The following SHROOM3 variants were observed in gnomAD, a reference collection of about 807,000 sequenced individuals.
SHROOM3 encodes the protein shroom family member 3, also known as protein Shroom3.
In SHROOM3, 47 loss-of-function variants were observed where a neutral mutation model predicts 138.6. That is an observed-to-expected ratio of 0.34 (90% CI 0.27 to 0.43). The LOEUF (loss-of-function observed/expected upper bound fraction) is 0.43, where lower values mean the gene tolerates loss of function less well. Ranked by LOEUF, SHROOM3 falls within the 20% of genes least tolerant of loss-of-function variation. The pLI is 1.00. For missense variants in SHROOM3, 2,491 were observed against 2,596.5 expected (o/e 0.96, Z 0.88); for synonymous variants, 1,062 against 1,063.3 (o/e 1.00, Z 0.02).
At chr4:76,508,660 A>G (rs1427245775) in intron 1 of SHROOM3, among the ~76,000 whole-genome samples, 1 of 152,246 alleles carries the variant, frequency 6.6e-6, no homozygotes, top group African/African-American at 2.4e-5. Context: ...TCTTAACAAT[A>G]TAAAGCCTTC....
intron 2 of SHROOM3, among the ~76,000 whole-genome samples, chr4:76,560,726 C>T (rs754600279): frequency 2.0e-5 from 3 of 152,110 alleles, no homozygotes; most frequent in Admixed American, 6.6e-5. Flanking sequence ...TCAAATATTT[C>T]GTACTTTTTT....
intron 4 of SHROOM3, among the ~76,000 whole-genome samples, chr4:76,735,707 G>T (rs1305847974): frequency 6.6e-6 from 1 of 150,686 alleles, no homozygotes; most frequent in Non-Finnish European, 1.5e-5. Context: ...GGGCATGGTG[G>T]TACCTGCCTG....
intron 2 of SHROOM3, among the ~76,000 whole-genome samples, chr4:76,597,790 C>T (rs543726507): frequency 2.0e-5 from 3 of 152,264 alleles, no homozygotes; most frequent in East Asian, 1.9e-4. Context: ...AAGCAGATCC[C>T]GTGTTGTAAT....
intron 1 of SHROOM3, among the ~76,000 whole-genome samples, chr4:76,518,691 T>TA (rs977911941): frequency 6.6e-6 from 1 of 152,130 alleles, no homozygotes; most frequent in African/African-American, 2.4e-5. Flanking sequence ...TCTAAATGAG[T>TA]ACTGTAACAC....
At chr4:76,533,112 G>A (rs937994565) in intron 1 of SHROOM3, among the ~76,000 whole-genome samples, 1 of 152,124 alleles carries the variant, frequency 6.6e-6, no homozygotes, top group Admixed American at 6.6e-5. Context: ...TTTATTTCTG[G>A]AATTTTCCAT....
At chr4:76,491,531 T>G (rs2109993602) in intron 1 of SHROOM3, among the ~76,000 whole-genome samples, 1 of 152,316 alleles carries the variant, frequency 6.6e-6, no homozygotes, top group South Asian at 2.1e-4. Flanking sequence ...TTCTCTCTGA[T>G]AATAAAAAGT....
At chr4:76,572,971 G>A (rs541991814) in intron 2 of SHROOM3, among the ~76,000 whole-genome samples, 3 of 151,972 alleles carry the variant, frequency 2.0e-5, no homozygotes, top group African/African-American at 7.2e-5. Context: ...AGTCCCAGCT[G>A]CTTGGGAGGC....
In SHROOM3 at chr4:76,735,854, AAAAAAAAAAAAAAAATAT is replaced by A. The variant is rs1182647786; in HGVS notation, c.588-2905_588-2888del. ...GACTCTATCTTAAAAAAAAAAAAAA[AAAAAAAAAAAAAAAATAT>A]ATATATATATATATATATATATATA... On this transcript the variant is annotated intron_variant, in intron 4 of 10. Coordinates refer to ENST00000296043, the MANE Select transcript of SHROOM3 (RefSeq NM_020859.4). Among the ~76,000 whole-genome samples, 88 of 56,684 alleles carry A rather than the reference AAAAAAAAAAAAAAAATAT, an allele frequency of 1.6e-3. 1 individual carries two copies. The highest frequency in any genetic ancestry group is 5.4e-3 in the African/African-American group (81 of 15,076). The allele number at this position is 56,684 out of a possible 152,430, so 37.2% of individuals were successfully genotyped here. A position where few individuals can be genotyped will look rare whatever the true frequency, so the allele number is the denominator to read the frequency against.
At chr4:76,686,684 C>G (rs1299388681) in intron 2 of SHROOM3, among the ~76,000 whole-genome samples, 1 of 152,050 alleles carries the variant, frequency 6.6e-6, no homozygotes, top group Non-Finnish European at 1.5e-5. Context: ...ATCAGACCCT[C>G]TGAATATACT....
At chr4:76,443,515 C>G (rs1730740613) in intron 1 of SHROOM3, among the ~76,000 whole-genome samples, 1 of 152,218 alleles carries the variant, frequency 6.6e-6, no homozygotes, top group South Asian at 2.1e-4. Context: ...TGATGTAGTT[C>G]CAAACAGTGA....
At chr4:76,643,754 A>C (rs957238033) in intron 2 of SHROOM3, among the ~76,000 whole-genome samples, 1 of 152,266 alleles carries the variant, frequency 6.6e-6, no homozygotes, top group Non-Finnish European at 1.5e-5. Flanking sequence ...TTACAGAAAT[A>C]ACAGATATAC....
intron 1 of SHROOM3, among the ~76,000 whole-genome samples, chr4:76,490,658 C>T (rs1250882101): frequency 6.6e-6 from 1 of 152,218 alleles, no homozygotes; most frequent in African/African-American, 2.4e-5. Flanking sequence ...TGCCTCCAGA[C>T]CCTATTCTCC....
At chr4:76,452,955 T>C (rs1730954488) in intron 1 of SHROOM3, among the ~76,000 whole-genome samples, 2 of 152,172 alleles carry the variant, frequency 1.3e-5, no homozygotes, top group African/African-American at 2.4e-5. Flanking sequence ...TGACCTCAGG[T>C]GACCCACCTG....
At chr4:76,605,870 CTT>C (rs1734601495) in intron 2 of SHROOM3, among the ~76,000 whole-genome samples, 2 of 149,732 alleles carry the variant, frequency 1.3e-5, no homozygotes, top group Admixed American at 6.7e-5. Flanking sequence ...CAGAATCACT[CTT>C]TATCATTTCA....
intron 1 of SHROOM3, among the ~76,000 whole-genome samples, chr4:76,533,369 A>G (rs970953406): frequency 5.9e-5 from 9 of 152,368 alleles, no homozygotes; most frequent in African/African-American, 1.9e-4. Flanking sequence ...TTGAAAAGAC[A>G]TTTAAAAACC....
chr4:76,487,585 G>A (rs1012597594), intron 1 of SHROOM3, among the ~76,000 whole-genome samples: 2 of 152,012 alleles, frequency 1.3e-5, no homozygotes, highest in African/African-American at 2.4e-5. Context: ...TCTGGGTCCT[G>A]TATCAAACCT....
At chr4:76,734,089 A>G (rs1720960427) in intron 4 of SHROOM3, among the ~76,000 whole-genome samples, 4 of 152,156 alleles carry the variant, frequency 2.6e-5, no homozygotes, top group Admixed American at 2.6e-4. Context: ...CATTCATTCA[A>G]CAAATCTGTA....
intron 1 of SHROOM3, among the ~76,000 whole-genome samples, chr4:76,549,632 G>A (rs555403746): frequency 6.6e-6 from 1 of 152,274 alleles, no homozygotes; most frequent in African/African-American, 2.4e-5. Flanking sequence ...CTCCCAAAGT[G>A]CTGGGATTAT....
chr4:76,690,308 G>A lies in SHROOM3; in HGVS notation c.324-19848G>A, dbSNP rs147356791. ...GAGTGGTTACAAAATTTCAACACCT[G>A]GAGCACTCTCTGGGGGTGGGATGTA... On this transcript the variant is annotated intron_variant, in intron 2 of 10. Transcript: ENST00000296043. Among the ~76,000 whole-genome samples the A allele has an allele frequency of 2.4e-3, 359 of 152,304 alleles. 1 individual carries two copies. The highest frequency in any genetic ancestry group is 3.5e-3 in the Non-Finnish European group (236 of 68,030).
Sources: gnomAD v4.1 joint callset for allele counts (sites outside exome capture counted in the v4.1 genomes callset) on GRCh38, gnomAD v4.1.1 for gene constraint, MANE v1.5 for transcripts, NCBI Gene and HGNC (gene_info 2026-07-23, HGNC 2026-07-21) for gene names.